The following BICD2 variants were observed in gnomAD, a reference collection of about 807,000 sequenced individuals.
BICD2 encodes BICD cargo adaptor 2, also known as protein bicaudal D homolog 2.
BICD2 carries 25 observed loss-of-function variants against 72.9 expected under a neutral mutation model. The observed-to-expected ratio is 0.34, with a 90% CI of 0.25 to 0.48. The LOEUF is 0.48. Ranked by LOEUF, BICD2 falls within the 20% of genes least tolerant of loss-of-function variation. BICD2 has a pLI of 0.99. For synonymous variants in BICD2, 501 were observed against 516.1 expected (o/e 0.97, Z 0.40); for missense variants, 894 against 1,175.2 (o/e 0.76, Z 3.50).
intron 1 of BICD2, among the ~76,000 whole-genome samples, chr9:92,737,837 G>C (rs1024634918): frequency 5.9e-5 from 9 of 152,354 alleles, no homozygotes; most frequent in Non-Finnish European, 1.2e-4. Flanking sequence ...CAGGTGATCA[G>C]AGCCTGGGAG....
At chr9:92,723,751 T>C (rs546389657) in intron 2 of BICD2, among the ~76,000 whole-genome samples, 1 of 152,298 alleles carries the variant, frequency 6.6e-6, no homozygotes, top group East Asian at 1.9e-4. Context: ...AAGTTGCCCA[T>C]AAGGAGCCAA....
rs1471231017 is a variant in BICD2, at chr9:92,714,790, C to T, written c.*364G>A. 3 of 1,040,222 alleles carry T rather than the reference C, an allele frequency of 2.9e-6. No homozygotes were observed. The African/African-American group carries it at 5.1e-5, about 18-fold the overall frequency. The allele number at this position is 1,040,222 out of a possible 1,614,324, so 64.4% of individuals were successfully genotyped here. ...TGCAAGTCTCAACTCAGGTTCTGCC[C>T]CTTTTGGGTGCTGAGGGAGCAGGAC... On this transcript the variant is annotated 3_prime_UTR_variant, in exon 7 of 7. Transcript: ENST00000356884.
chr9:92,740,475 T>C lies in BICD2; in HGVS notation c.241-11239A>G, dbSNP rs73512129. Among the ~76,000 whole-genome samples the C allele has an allele frequency of 1.5e-3, 226 of 150,804 alleles. 2 individuals are homozygous for C. The highest frequency in any genetic ancestry group is 5.4e-3 in the African/African-American group (220 of 41,014). ...AACGGGAAATCAAATAAACAAAAAA[T>C]AGAAACAAATCATATCAAAACTTCA... On this transcript the variant is annotated intron_variant, in intron 1 of 6. Coordinates refer to ENST00000356884, the MANE Select transcript of BICD2 (RefSeq NM_001003800.2).
intron 2 of BICD2, among the ~76,000 whole-genome samples, chr9:92,726,873 C>T (rs934583646): frequency 2.0e-5 from 3 of 152,192 alleles, no homozygotes; most frequent in Non-Finnish European, 4.4e-5. Context: ...TTACCTGAAG[C>T]CAGCAGGGTC....
chr9:92,735,440 G>C (rs1853763923), intron 1 of BICD2, among the ~76,000 whole-genome samples: 2 of 151,942 alleles, frequency 1.3e-5, no homozygotes, highest in Admixed American at 6.6e-5. Flanking sequence ...CACATGGGGT[G>C]GGAAGGCCAG....
chr9:92,720,340 T>C lies in BICD2; in HGVS notation c.1022A>G (p.Asn341Ser). Residue 341 changes from asparagine to serine, a missense_variant, in exon 4 of 7, where the codon AAC becomes AGC. Asn to Ser is a conservative substitution (Grantham distance 46, BLOSUM62 1). Transcript: ENST00000356884. The surrounding 1 kb of genome is among the most constrained non-coding windows in gnomAD (Gnocchi z 5.4). ...SLVSDLLSELNISEIQKLKQQ... is the reference protein window; with the variant it reads ...SLVSDLLSELSISEIQKLKQQ... ...CTTCAGCTTCTGGATCTCAGAGATGTTGAGCTCACTGAGTAGGTCGGAGAC... is the reference window on the plus strand; with the variant it reads ...CTTCAGCTTCTGGATCTCAGAGATGCTGAGCTCACTGAGTAGGTCGGAGAC... 6.2e-7 allele frequency: 1 copy of C among 1,613,628 alleles called. No homozygotes were observed. Among genetic ancestry groups the C allele is most frequent in the Non-Finnish European group, 8.5e-7 (1 of 1,179,874 alleles).
intron 2 of BICD2, among the ~76,000 whole-genome samples, chr9:92,723,519 A>C (rs182821608): frequency 6.6e-6 from 1 of 152,374 alleles, no homozygotes; most frequent in Admixed American, 6.5e-5. Flanking sequence ...AGGCAAATTC[A>C]TAGAGACACA....
intron 1 of BICD2, among the ~76,000 whole-genome samples, chr9:92,748,094 G>A (rs747016866): frequency 2.6e-5 from 4 of 152,164 alleles, no homozygotes; most frequent in Non-Finnish European, 5.9e-5. Flanking sequence ...AGGCATTGCA[G>A]GTTCTTTTGG....
chr9:92,763,548 C>T (rs1854415348), intron 1 of BICD2, among the ~76,000 whole-genome samples: 1 of 152,238 alleles, frequency 6.6e-6, no homozygotes, highest in African/African-American at 2.4e-5. Flanking sequence ...GGGGCACAGC[C>T]TGGATCCAAA....
chr9:92,763,894 G>A (rs1471660877), intron 1 of BICD2, among the ~76,000 whole-genome samples: 1 of 152,212 alleles, frequency 6.6e-6, no homozygotes, highest in African/African-American at 2.4e-5. Context: ...GGGTACTGGG[G>A]GACCCATGCC....
chr9:92,735,746 T>A (rs1449421484), intron 1 of BICD2, among the ~76,000 whole-genome samples: 1 of 152,102 alleles, frequency 6.6e-6, no homozygotes, highest in Non-Finnish European at 1.5e-5. Context: ...TCCACGAGCA[T>A]GGCAGAAACA....
chr9:92,720,446 C>T lies in BICD2; in HGVS notation c.916G>A (p.Gly306Ser), dbSNP rs1201645469. The T allele has an allele frequency of 9.3e-6, 15 of 1,614,040 alleles. No individual in the cohort carries two copies. Among genetic ancestry groups the T allele is most frequent in the African/African-American group, 4.0e-5 (3 of 74,906 alleles). ...TCCAGTGGCAGCTTGGCCAGGCCGC[C>T]GTGCTCAAAGCCATTGACCAGGGCC... ...AEALVNGFEH[G>S]GLAKLPLDNK... The change falls in exon 4 of 7, where the codon GGC (glycine) becomes AGC (serine). Residue 306 changes from glycine to serine, a missense_variant. Coordinates refer to ENST00000356884, the MANE Select transcript of BICD2 (RefSeq NM_001003800.2). This position sits in a 1 kb window ranked among gnomAD's most constrained non-coding sequence, Gnocchi z 5.4.
chr9:92,714,879 T>C lies in BICD2; in HGVS notation c.*275A>G. 8.0e-7 allele frequency: 1 copy of C among 1,242,332 alleles called. No individual in the cohort carries two copies. The highest frequency in any genetic ancestry group is 2.7e-5 in the South Asian group (1 of 37,666). 77.0% of individuals were successfully genotyped at this position (1,242,332 alleles called of 1,614,324 possible). A position where few individuals can be genotyped will look rare whatever the true frequency, so the allele number is the denominator to read the frequency against. Reference sequence around the variant, plus strand: ...GCTTAGAAGATGCTTTCATCACACATCTGCTGCAAGAATGTGCAGCTCTAT... The same window carrying C: ...GCTTAGAAGATGCTTTCATCACACACCTGCTGCAAGAATGTGCAGCTCTAT... On this transcript the variant is annotated 3_prime_UTR_variant, in exon 7 of 7. Transcript: ENST00000356884.
chr9:92,726,311 G>A (rs1426260181), intron 2 of BICD2, among the ~76,000 whole-genome samples: 1 of 152,186 alleles, frequency 6.6e-6, no homozygotes, highest in African/African-American at 2.4e-5. Flanking sequence ...GTGTGTTGGG[G>A]TGTGGAGGGG....
At chr9:92,749,059 C>A (rs1854087936) in intron 1 of BICD2, among the ~76,000 whole-genome samples, 3 of 151,998 alleles carry the variant, frequency 2.0e-5, no homozygotes, top group Admixed American at 1.3e-4. Flanking sequence ...CCTCACCTGG[C>A]AGGTAGACAG....
intron 1 of BICD2, among the ~76,000 whole-genome samples, chr9:92,731,490 A>G (rs997503258): frequency 1.3e-5 from 2 of 152,142 alleles, no homozygotes; most frequent in African/African-American, 4.8e-5. Context: ...AAAAAAAAGA[A>G]AAAGAAAAAA....
intron 1 of BICD2, among the ~76,000 whole-genome samples, chr9:92,741,168 G>C (rs975519314): frequency 6.6e-6 from 1 of 152,198 alleles, no homozygotes; most frequent in Non-Finnish European, 1.5e-5. Flanking sequence ...TGTTCAGCAG[G>C]TATGTCATGA....
Position 92,713,751 on chromosome 9 carries a change from C to T in BICD2, c.*1403G>A, listed in dbSNP as rs1853240991. 4 of 1,329,168 alleles carry T rather than the reference C, an allele frequency of 3.0e-6. No individual in the cohort carries two copies. The highest frequency in any genetic ancestry group is 6.3e-5 in the Admixed American group (2 of 31,740). 82.3% of individuals were successfully genotyped at this position (1,329,168 alleles called of 1,614,324 possible). Reference sequence around the variant, plus strand: ...TTGCTGGGGCAGGGGGATCTGGGCCCAGGATGAACACGCAGGGGACATACA... The same window carrying T: ...TTGCTGGGGCAGGGGGATCTGGGCCTAGGATGAACACGCAGGGGACATACA... On this transcript the variant is annotated 3_prime_UTR_variant, in exon 7 of 7. Transcript: ENST00000356884.
chr9:92,756,252 C>T (rs1260858934), intron 1 of BICD2, among the ~76,000 whole-genome samples: 3 of 146,238 alleles, frequency 2.1e-5, no homozygotes, highest in Non-Finnish European at 4.5e-5. Flanking sequence ...AAGGAGGCAC[C>T]CTGGCTACTT....
Sources: allele counts gnomAD v4.1 joint callset (sites outside exome capture counted in the v4.1 genomes callset), GRCh38; gene constraint gnomAD v4.1.1; non-coding constraint Gnocchi (gnomAD v3.1); transcripts MANE v1.5; gene names NCBI Gene and HGNC (gene_info 2026-07-23, HGNC 2026-07-21).